Variants in PCDHGA4 observed in about 807,000 individuals in gnomAD.
PCDHGA4 encodes the protein protocadherin gamma-A4.
Under a neutral mutation model 54.6 loss-of-function variants are expected in PCDHGA4, and 38 were observed. That is an observed-to-expected ratio of 0.70 (90% CI 0.54 to 0.91). The LOEUF is 0.91. Among genes scored for constraint, PCDHGA4 ranks in the 40% least tolerant of loss-of-function variants. PCDHGA4 has a pLI of 0.00. For missense variants in PCDHGA4, 1,298 were observed against 1,220.9 expected, an observed-to-expected ratio of 1.06 and a Z score of -0.94; for synonymous variants, 511 against 512.9, an observed-to-expected ratio of 1.00 and a Z score of 0.05.
intron 1 of PCDHGA4, among the ~76,000 whole-genome samples, chr5:141,435,715 A>T (rs528951395): frequency 5.9e-5 from 9 of 152,210 alleles, no homozygotes; most frequent in Non-Finnish European, 1.0e-4. Context: ...ACAGACACTG[A>T]ATGCTAAAGT....
intron 1 of PCDHGA4, chr5:141,419,253 A>C (rs1590154657): frequency 6.2e-7 from 1 of 1,613,990 alleles, no homozygotes; most frequent in South Asian, 1.1e-5. Context: ...CCAGAAAACA[A>C]CCAGCCGGGT....
At chr5:141,419,977 G>A (rs962684463) in intron 1 of PCDHGA4, 1 of 1,614,066 alleles carries the variant, frequency 6.2e-7, no homozygotes, top group Non-Finnish European at 8.5e-7. Context: ...TTCTCCTCGC[G>A]GTGATTCTAG....
Position 141,491,019 on chromosome 5 carries a change from A to G in PCDHGA4, c.2515-3788A>G. 5 of 1,614,116 alleles carry G rather than the reference A, an allele frequency of 3.1e-6. No individual in the cohort carries two copies. The highest frequency in any genetic ancestry group is 4.2e-6 in the Non-Finnish European group (5 of 1,180,026). ...CTGGCTCCTTGGTCACCAAGGTGAC[A>G]GCCGTGGATGCTGATGCAGGCCACA... On this transcript the variant is annotated intron_variant, in intron 1 of 3. Coordinates refer to ENST00000571252, the MANE Select transcript of PCDHGA4 (RefSeq NM_018917.4). This position sits in a 1 kb window ranked among gnomAD's most constrained non-coding sequence, Gnocchi z 6.9.
At position 141,485,348 on chromosome 5, in the gene PCDHGA4, C is replaced by A; in HGVS notation, c.2515-9459C>A. ...AGATTTCCTGCTGGATACGGACAGT[C>A]TGTCAGCTCGCAGGCTGCAGGTCGC... On this transcript the variant is annotated intron_variant, in intron 1 of 3. Coordinates refer to ENST00000571252, the MANE Select transcript of PCDHGA4 (RefSeq NM_018917.4). This position sits in a 1 kb window ranked among gnomAD's most constrained non-coding sequence, Gnocchi z 5.7. 6.2e-7 allele frequency: 1 copy of A among 1,614,146 alleles called. No individual in the cohort carries two copies. Among genetic ancestry groups the A allele is most frequent in the Non-Finnish European group, 8.5e-7 (1 of 1,180,008 alleles).
intron 1 of PCDHGA4, among the ~76,000 whole-genome samples, chr5:141,492,148 G>C (rs2099737507): frequency 6.6e-6 from 1 of 152,202 alleles, no homozygotes; most frequent in Admixed American, 6.5e-5. Flanking sequence ...TGACTTCACT[G>C]TTACCCTCCC....
intron 1 of PCDHGA4, chr5:141,475,997 G>T: frequency 8.4e-7 from 1 of 1,184,406 alleles, no homozygotes; most frequent in Non-Finnish European, 1.2e-6. Flanking sequence ...CAAATCAACG[G>T]CATCCAGAAA....
chr5:141,419,451 C>T (rs747887064), intron 1 of PCDHGA4: 2 of 1,612,796 alleles, frequency 1.2e-6, no homozygotes, highest in Non-Finnish European at 8.5e-7. Flanking sequence ...TTCGAGCTCA[C>T]GCTGCAGGCC....
chr5:141,387,741 G>A, intron 1 of PCDHGA4: 7 of 1,332,868 alleles, frequency 5.3e-6, no homozygotes, highest in Non-Finnish European at 6.1e-6. Context: ...CCTTTACACC[G>A]CTTCCTCCTC....
In PCDHGA4 at chr5:141,477,013, T is replaced by A. The variant is rs1285961519; in HGVS notation, c.2515-17794T>A. On this transcript the variant is annotated intron_variant, in intron 1 of 3. Coordinates refer to ENST00000571252, the MANE Select transcript of PCDHGA4 (RefSeq NM_018917.4). This position sits in a 1 kb window ranked among gnomAD's most constrained non-coding sequence, Gnocchi z 4.9. ...TGCGGCAACTATTCGCCTTAGACCT[T>A]GTAACCGGGATGCTGACAATCAAGG... is the stretch of plus-strand genomic sequence containing the variant. 6.2e-7 allele frequency: 1 copy of A among 1,614,204 alleles called. No individual in the cohort carries two copies. The highest frequency in any genetic ancestry group is 2.2e-5 in the East Asian group (1 of 44,878).
At chr5:141,370,481 C>G (rs1766946658) in intron 1 of PCDHGA4, 2 of 1,613,770 alleles carry the variant, frequency 1.2e-6, no homozygotes, top group African/African-American at 2.7e-5. Flanking sequence ...ACCAGGCTCT[C>G]TCCGAACCGA....
intron 1 of PCDHGA4, among the ~76,000 whole-genome samples, chr5:141,464,749 T>A (rs1026757405): frequency 6.6e-6 from 1 of 152,216 alleles, no homozygotes; most frequent in African/African-American, 2.4e-5. Context: ...ATCTTTTTGT[T>A]TTTTTAGAGA....
chr5:141,390,398 A>G, intron 1 of PCDHGA4: 1 of 1,365,554 alleles, frequency 7.3e-7, no homozygotes, highest in Non-Finnish European at 1.0e-6. Flanking sequence ...GGATCATTTT[A>G]GGAAAGTTGT....
chr5:141,378,321 G>C (rs1295221856), intron 1 of PCDHGA4: 1 of 152,218 alleles, frequency 6.6e-6, no homozygotes, highest in African/African-American at 2.4e-5. Context: ...TCAGGAGTTC[G>C]AGACCAGCCT....
rs984222446 is a variant in PCDHGA4 at position 141,493,942 on chromosome 5, G to T, written c.2515-865G>T. ...ACACACCCCCTGGAAAGACCAGAAG[G>T]GACTCAGGAATGAAGTGGCTGGCCA... On this transcript the variant is annotated intron_variant, in intron 1 of 3. Transcript: ENST00000571252. The surrounding 1 kb of genome is among the most constrained non-coding windows in gnomAD (Gnocchi z 4.3). Among the ~76,000 whole-genome samples the T allele has an allele frequency of 1.3e-5, 2 of 152,168 alleles. No individual in the cohort carries two copies. Among genetic ancestry groups the T allele is most frequent in the Non-Finnish European group, 1.5e-5 (1 of 68,022 alleles).
Position 141,487,665 on chromosome 5 carries a change from G to T in PCDHGA4, c.2515-7142G>T, listed in dbSNP as rs373971935. 8.7e-5 allele frequency: 141 copies of T among 1,612,724 alleles called. No individual in the cohort carries two copies. The highest frequency in any genetic ancestry group is 1.1e-4 in the Non-Finnish European group (135 of 1,179,392). On this transcript the variant is annotated intron_variant, in intron 1 of 3. Coordinates refer to ENST00000571252, the MANE Select transcript of PCDHGA4 (RefSeq NM_018917.4). The surrounding 1 kb of genome is among the most constrained non-coding windows in gnomAD (Gnocchi z 5.0). ...ATGCTTGAGGGTTATTCTGATCCAG[G>T]CATATGGCTAGGCCATGTCCTAGAG...
chr5:141,423,169 C>T (rs747206648), intron 1 of PCDHGA4: 4 of 1,613,460 alleles, frequency 2.5e-6, no homozygotes, highest in Admixed American at 3.3e-5. Flanking sequence ...GGTGGCCGTC[C>T]AGGACCACGG....
chr5:141,501,331 A>T (rs1024837974), intron 2 of PCDHGA4, among the ~76,000 whole-genome samples: 2 of 138,846 alleles, frequency 1.4e-5, no homozygotes, highest in Non-Finnish European at 1.6e-5. Flanking sequence ...ACACACACAC[A>T]CACCCCAAAC....
intron 3 of PCDHGA4, among the ~76,000 whole-genome samples, chr5:141,509,808 G>A (rs905531504): frequency 3.9e-5 from 6 of 152,028 alleles, no homozygotes; most frequent in Non-Finnish European, 7.4e-5. Context: ...TCATAGAGCC[G>A]AGCTCTTCTC....
chr5:141,393,118 G>C (rs1254219994), intron 1 of PCDHGA4: 31 of 1,613,354 alleles, frequency 1.9e-5, no homozygotes, highest in Non-Finnish European at 2.5e-5. Flanking sequence ...AGCCCGCGGT[G>C]TCTGATAAAT....
Sources: gnomAD v4.1 joint callset for allele counts (sites outside exome capture counted in the v4.1 genomes callset) on GRCh38, gnomAD v4.1.1 for gene constraint, Gnocchi (gnomAD v3.1) non-coding constraint, MANE v1.5 for transcripts, NCBI Gene and HGNC (gene_info 2026-07-23, HGNC 2026-07-21) for gene names.